Variants in SOX6 observed in about 807,000 individuals in gnomAD.
SOX6 encodes the protein transcription factor SOX-6.
Under a neutral mutation model 97.8 loss-of-function variants are expected in SOX6, and 11 were observed. The observed-to-expected ratio is 0.11, with a 90% CI of 0.07 to 0.19. The LOEUF (loss-of-function observed/expected upper bound fraction) is 0.19, where lower values mean the gene tolerates loss of function less well. Among genes scored for constraint, SOX6 ranks in the 10% least tolerant of loss-of-function variants. SOX6 has a pLI of 1.00. For synonymous variants in SOX6, 360 were observed against 371.4 expected, an observed-to-expected ratio of 0.97 and a Z score of 0.35; for missense variants, 810 against 1,039.5, an observed-to-expected ratio of 0.78 and a Z score of 3.04.
chr11:16,542,573 CCCA>C (rs1401554639), intron 4 of SOX6, among the ~76,000 whole-genome samples: 2 of 151,948 alleles, frequency 1.3e-5, no homozygotes, highest in African/African-American at 4.8e-5. Context: ...CAAAAAAATT[CCCA>C]CAACAAACTG....
At position 16,473,552 on chromosome 11, in the gene SOX6, CTTTTT is replaced by C. The variant is rs61587370; in HGVS notation, c.-5+2758_-5+2762del. Among the ~76,000 whole-genome samples, 1,063 of 132,774 alleles carry C rather than the reference CTTTTT, an allele frequency of 8.0e-3. 10 individuals are homozygous for C. The highest frequency in any genetic ancestry group is 0.027 in the African/African-American group (954 of 35,780). 87.1% of individuals were successfully genotyped at this position (132,774 alleles called of 152,430 possible). On this transcript the variant is annotated intron_variant, in intron 1 of 15. Coordinates refer to the SOX6 transcript ENST00000396356. ...GAGTGGCTGTGGGCTGTGACAATTC[CTTTTT>C]TTTTTTTTTTTTGAGATGGAATCTT...
At chr11:16,509,646 T>C (rs1860847460) in intron 4 of SOX6, among the ~76,000 whole-genome samples, 1 of 152,074 alleles carries the variant, frequency 6.6e-6, no homozygotes, top group Non-Finnish European at 1.5e-5. Flanking sequence ...CGAGTCATGA[T>C]TATGCCCAGA....
intron 7 of SOX6, among the ~76,000 whole-genome samples, chr11:16,109,441 C>A (rs1327430658): frequency 6.6e-6 from 1 of 151,982 alleles, no homozygotes; most frequent in Non-Finnish European, 1.5e-5. Flanking sequence ...CTTGAGTGAT[C>A]CTCCCACCCC....
At chr11:16,666,087 G>A (rs561656614) in intron 3 of SOX6, among the ~76,000 whole-genome samples, 4 of 152,178 alleles carry the variant, frequency 2.6e-5, no homozygotes, top group Non-Finnish European at 5.9e-5. Context: ...ACAATGGACA[G>A]ATACAAACAA....
intron 4 of SOX6, among the ~76,000 whole-genome samples, chr11:16,606,929 G>A (rs1387131096): frequency 6.6e-6 from 1 of 152,184 alleles, no homozygotes; most frequent in Admixed American, 6.5e-5. Flanking sequence ...GGATCAGCGC[G>A]TCCACCAGCG....
At chr11:16,390,208 T>G (rs1045912261) in intron 1 of SOX6, among the ~76,000 whole-genome samples, 1 of 144,964 alleles carries the variant, frequency 6.9e-6, no homozygotes, top group Non-Finnish European at 1.5e-5. Context: ...TCCTCACCTC[T>G]TAGCAGTTGT....
At chr11:16,632,494 T>C (rs1189852098) in intron 3 of SOX6, among the ~76,000 whole-genome samples, 1 of 152,192 alleles carries the variant, frequency 6.6e-6, no homozygotes, top group African/African-American at 2.4e-5. Flanking sequence ...AAGCTCTCTG[T>C]TGCCTCAGGC....
At chr11:16,126,065 T>C (rs1849604929) in intron 6 of SOX6, among the ~76,000 whole-genome samples, 1 of 152,122 alleles carries the variant, frequency 6.6e-6, no homozygotes, top group South Asian at 2.1e-4. Context: ...TTCTAGAATA[T>C]TCAGCACTTG....
At chr11:16,706,452 A>C (rs1402838293) in intron 3 of SOX6, among the ~76,000 whole-genome samples, 3 of 9,840 alleles carry the variant, frequency 3.0e-4, no homozygotes, top group African/African-American at 1.2e-3. Flanking sequence ...CCTATCACAA[A>C]AAAAAAAAAA....
In SOX6 at chr11:16,295,382, G is replaced by A. The variant is rs368649165; in HGVS notation, c.445+23064C>T. Among the ~76,000 whole-genome samples the A allele has an allele frequency of 3.9e-5, 6 of 152,146 alleles. No homozygotes were observed. In the East Asian group the frequency reaches 9.7e-4, roughly 25 times the overall value. On this transcript the variant is annotated intron_variant, in intron 3 of 15. Transcript: ENST00000683767. ...AGCTATGCCAAAATGATGTTGCAAA[G>A]TAAAACCTAATAGCAATCTGAGACA...
intron 4 of SOX6, among the ~76,000 whole-genome samples, chr11:16,189,446 T>C (rs1314481406): frequency 6.6e-6 from 1 of 151,586 alleles, no homozygotes; most frequent in Non-Finnish European, 1.5e-5. Flanking sequence ...TGTGTACACA[T>C]ATGTTGGGGA....
chr11:16,155,357 C>A (rs1045183576), intron 6 of SOX6, among the ~76,000 whole-genome samples: 6 of 152,102 alleles, frequency 3.9e-5, no homozygotes, highest in African/African-American at 1.4e-4. Flanking sequence ...CTTTTGTGAT[C>A]TATAAAAGGG....
At chr11:16,224,881 T>C (rs1852638498) in intron 4 of SOX6, among the ~76,000 whole-genome samples, 1 of 152,014 alleles carries the variant, frequency 6.6e-6, no homozygotes, top group Non-Finnish European at 1.5e-5. Flanking sequence ...GTGACTTTTC[T>C]CTTCTGGATA....
intron 4 of SOX6, among the ~76,000 whole-genome samples, chr11:16,600,333 G>T (rs1402792032): frequency 6.6e-6 from 1 of 152,196 alleles, no homozygotes; most frequent in Non-Finnish European, 1.5e-5. Flanking sequence ...TCAGTGCTTA[G>T]AAGTTTTTTA....
intron 3 of SOX6, among the ~76,000 whole-genome samples, chr11:16,296,424 G>A (rs964781792): frequency 6.6e-6 from 1 of 152,110 alleles, no homozygotes; most frequent in Non-Finnish European, 1.5e-5. Context: ...TAAGACATGA[G>A]CAGCTGAGCA....
chr11:16,248,054 G>A (rs921193114), intron 3 of SOX6, among the ~76,000 whole-genome samples: 8 of 152,090 alleles, frequency 5.3e-5, no homozygotes, highest in African/African-American at 9.7e-5. Context: ...CAGGCCCCAC[G>A]CAAGTCTGAA....
intron 4 of SOX6, chr11:16,484,347 G>A: frequency 4.8e-6 from 4 of 836,626 alleles, no homozygotes; most frequent in Non-Finnish European, 8.4e-6. Flanking sequence ...CAGTGAATAA[G>A]GTAAGGATCC....
rs376257252 is a variant in SOX6 at position 16,111,783 on chromosome 11, T to C, written c.898+20A>G. The C allele has an allele frequency of 2.5e-6, 4 of 1,612,892 alleles. No individual in the cohort carries two copies. The highest frequency in any genetic ancestry group is 2.5e-6 in the Non-Finnish European group (3 of 1,179,792). On this transcript the variant is annotated intron_variant, in intron 7 of 15. Coordinates refer to ENST00000683767, the MANE Select transcript of SOX6 (RefSeq NM_001367873.1). ...AGATCTGAGCATTTGGAAAAGAATG[T>C]TAAATCCCTCTCTACTTACCTGGTT...
chr11:16,152,506 T>C (rs1322576033), intron 6 of SOX6, among the ~76,000 whole-genome samples: 1 of 152,210 alleles, frequency 6.6e-6, no homozygotes, highest in Non-Finnish European at 1.5e-5. Context: ...ATTACTATTT[T>C]CTCTGGAATG....
Sources: allele counts gnomAD v4.1 joint callset (sites outside exome capture counted in the v4.1 genomes callset), GRCh38; gene constraint gnomAD v4.1.1; transcripts MANE v1.5; gene names NCBI Gene and HGNC (gene_info 2026-07-23, HGNC 2026-07-21).